DOP1B: variants seen among roughly 807,000 people sequenced by gnomAD.
DOP1B encodes the protein DOP1 leucine zipper like protein B.
In DOP1B, 174 loss-of-function variants were observed where a neutral mutation model predicts 233.5. The observed-to-expected ratio is 0.75, with a 90% CI of 0.66 to 0.85. The LOEUF (loss-of-function observed/expected upper bound fraction) is 0.85, where lower values mean the gene tolerates loss of function less well. Ranked by LOEUF, DOP1B falls within the 40% of genes least tolerant of loss-of-function variation. The pLI, the probability that DOP1B is intolerant of heterozygous loss-of-function variation, is 0.00. For missense variants in DOP1B, 2,652 were observed against 2,846.6 expected, an observed-to-expected ratio of 0.93 and a Z score of 1.56; for synonymous variants, 1,190 against 1,185.6, an observed-to-expected ratio of 1.00 and a Z score of -0.08.
intron 2 of DOP1B, among the ~76,000 whole-genome samples, chr21:36,187,228 TC>T (rs1229106803): frequency 8.9e-6 from 1 of 112,932 alleles, no homozygotes; most frequent in Non-Finnish European, 1.7e-5. Context: ...TCCCCTCCCT[TC>T]CCGGGGGAGG....
intron 2 of DOP1B, among the ~76,000 whole-genome samples, chr21:36,195,245 G>T (rs1457681711): frequency 6.6e-6 from 1 of 151,816 alleles, no homozygotes; most frequent in African/African-American, 2.4e-5. Context: ...GGAGGCTGAG[G>T]TGGGAGAATC....
At chr21:36,227,599 A>G in intron 12 of DOP1B, 87 bp from the exon 13 acceptor site, 3 of 1,200,886 alleles carry the variant, frequency 2.5e-6, no homozygotes, top group Non-Finnish European at 3.4e-6. Context: ...ATGCCCTAAA[A>G]AATTGAATTA....
chr21:36,174,044 A>AT (rs1207031316), intron 2 of DOP1B, among the ~76,000 whole-genome samples: 4 of 152,184 alleles, frequency 2.6e-5, no homozygotes, highest in African/African-American at 9.7e-5. Context: ...TCAGTTAGCT[A>AT]CAAGCACCTC....
chr21:36,177,539 T>C (rs1261356103), intron 2 of DOP1B, among the ~76,000 whole-genome samples: 3 of 152,202 alleles, frequency 2.0e-5, no homozygotes, highest in Admixed American at 1.3e-4. Context: ...ATGCTGAAAC[T>C]TAACCCCAAT....
intron 9 of DOP1B, among the ~76,000 whole-genome samples, chr21:36,217,319 A>G (rs1169375442): frequency 2.0e-5 from 3 of 152,114 alleles, no homozygotes; most frequent in Non-Finnish European, 4.4e-5. Context: ...ACATTTTTTG[A>G]GCAATTATTT....
intron 9 of DOP1B, among the ~76,000 whole-genome samples, chr21:36,218,523 C>CA (rs879638143): frequency 3.3e-5 from 5 of 151,174 alleles, no homozygotes; most frequent in Non-Finnish European, 5.9e-5. Flanking sequence ...ACTCTGTCTC[C>CA]AAAAAAAATA....
intron 28 of DOP1B, 122 bp from the exon 29 acceptor site, chr21:36,277,853 A>G (rs1388690628): frequency 1.6e-5 from 12 of 731,780 alleles, no homozygotes; most frequent in Non-Finnish European, 2.8e-5. Context: ...TGTTGGCCAG[A>G]CTGGTCTCAA....
intron 1 of DOP1B, among the ~76,000 whole-genome samples, chr21:36,163,766 C>T (rs1273918029): frequency 6.6e-6 from 1 of 152,190 alleles, no homozygotes; most frequent in Non-Finnish European, 1.5e-5. Flanking sequence ...AGAAAACATA[C>T]ACCAGACATT....
chr21:36,221,228 C>G (rs2066618929), intron 10 of DOP1B, among the ~76,000 whole-genome samples: 2 of 152,122 alleles, frequency 1.3e-5, no homozygotes, highest in African/African-American at 4.8e-5. Flanking sequence ...TGCAGTGGCT[C>G]ACGCCTGTAA....
intron 2 of DOP1B, among the ~76,000 whole-genome samples, chr21:36,196,515 T>C (rs2066291648): frequency 6.7e-6 from 1 of 148,886 alleles, no homozygotes; most frequent in Non-Finnish European, 1.5e-5. Flanking sequence ...TGGCCTCTCC[T>C]CTGTTCTTTT....
Position 36,269,749 on chromosome 21 carries a change from C to G in DOP1B, c.5488-264C>G, listed in dbSNP as rs867442184. Among the ~76,000 whole-genome samples, 11 of 152,122 alleles carry G rather than the reference C, an allele frequency of 7.2e-5. 1 individual carries two copies. The South Asian group carries it at 1.0e-3, about 14-fold the overall frequency. ...TGTTGGCCAGGATGGTCTCAAACTC[C>G]TGACCTCAAGTGATCCCCCTGCCTC... On this transcript the variant is annotated intron_variant, in intron 26 of 36. Coordinates refer to ENST00000691173, the MANE Select transcript of DOP1B (RefSeq NM_001320714.2).
At chr21:36,225,446 G>T in intron 11 of DOP1B, 119 bp from the exon 12 acceptor site, 2 of 1,113,066 alleles carry the variant, frequency 1.8e-6, no homozygotes, top group Non-Finnish European at 2.6e-6. Flanking sequence ...GCCCAGGCTG[G>T]TCTCAGACTC....
intron 33 of DOP1B, among the ~76,000 whole-genome samples, 157 bp downstream of exon 33, chr21:36,288,307 T>C (rs2067512687): frequency 6.6e-6 from 1 of 152,220 alleles, no homozygotes; most frequent in African/African-American, 2.4e-5. Flanking sequence ...AAACAGAGAA[T>C]ATTTTACTCT....
intron 2 of DOP1B, among the ~76,000 whole-genome samples, chr21:36,190,479 C>A (rs1472626402): frequency 6.6e-6 from 1 of 151,694 alleles, no homozygotes; most frequent in East Asian, 1.9e-4. Context: ...CTCACTGCAA[C>A]CTCTGCCTCC....
At chr21:36,291,434 G>GC (rs1458452667) in intron 35 of DOP1B, among the ~76,000 whole-genome samples, 1 of 151,528 alleles carries the variant, frequency 6.6e-6, no homozygotes, top group Non-Finnish European at 1.5e-5. Context: ...GGTGGCAGGT[G>GC]CCTGTAATCC....
chr21:36,260,737 T>TA lies in DOP1B; in HGVS notation c.5315+6dup, dbSNP rs906565155. On this transcript the variant is annotated splice_donor_region_variant and intron_variant, in intron 24 of 36. Coordinates refer to ENST00000691173, the MANE Select transcript of DOP1B (RefSeq NM_001320714.2). The stretch of plus-strand genomic sequence containing the variant: ...TTGCTATGCTTTTCTCCAAAGGTAA[T>TA]ACAGTCCCCCGTCCTCCAAAAACTT... 1.9e-6 allele frequency: 3 copies of TA among 1,613,908 alleles called. No individual in the cohort carries two copies.
intron 4 of DOP1B, among the ~76,000 whole-genome samples, chr21:36,205,197 T>A (rs1275663162): frequency 1.3e-5 from 2 of 152,214 alleles, no homozygotes; most frequent in African/African-American, 2.4e-5. Context: ...GTGGAGTGCT[T>A]GGGATTTGCG....
chr21:36,219,603 G>A (rs1158663221), intron 10 of DOP1B, 111 bp downstream of exon 10: 49 of 1,450,832 alleles, frequency 3.4e-5, no homozygotes, highest in Admixed American at 1.1e-4. Context: ...AAGCAGAGAT[G>A]CAGCAGGTGA....
chr21:36,263,535 T>TAAA lies in DOP1B; in HGVS notation c.5316-6_5316-4dup, dbSNP rs779415198. 1 of 1,611,300 alleles carries TAAA rather than the reference T, an allele frequency of 6.2e-7. No homozygotes were observed. Among genetic ancestry groups the TAAA allele is most frequent in the Non-Finnish European group, 8.5e-7 (1 of 1,178,324 alleles). On this transcript the variant is annotated splice_polypyrimidine_tract_variant and intron_variant, in intron 24 of 36. Coordinates refer to ENST00000691173, the MANE Select transcript of DOP1B (RefSeq NM_001320714.2). ...GTGGTTGAGTATTTTTCCTATCTTT[T>TAAA]AAAAAAACAGGCTCCCAGTACCAGC...
Sources: allele counts gnomAD v4.1 joint callset (sites outside exome capture counted in the v4.1 genomes callset), GRCh38; gene constraint gnomAD v4.1.1; transcripts MANE v1.5; gene names NCBI Gene and HGNC (gene_info 2026-07-23, HGNC 2026-07-21).